The following GPC5 variants were observed in gnomAD, a reference collection of about 807,000 sequenced individuals.
The protein encoded by GPC5 is glypican 5, also known as glypican-5.
In GPC5, 47 loss-of-function variants were observed where a neutral mutation model predicts 53.9. The ratio of observed to expected loss-of-function variants is 0.87; its 90% confidence interval spans 0.69 to 1.11. The LOEUF is 1.11. Among genes scored for constraint, GPC5 ranks in the 50% most tolerant of loss-of-function variants. The pLI is 0.00. For synonymous variants in GPC5, 286 were observed against 263.3 expected (o/e 1.09, Z -0.84); for missense variants, 748 against 713.1 (o/e 1.05, Z -0.56).
chr13:92,128,687 G>A (rs1310979984), intron 6 of GPC5, among the ~76,000 whole-genome samples: 3 of 152,160 alleles, frequency 2.0e-5, no homozygotes, highest in South Asian at 2.1e-4. Context: ...AATCCTGGCC[G>A]GGTGTGGTGG....
intron 7 of GPC5, among the ~76,000 whole-genome samples, chr13:92,845,833 A>C (rs1006743280): frequency 6.6e-6 from 1 of 152,058 alleles, no homozygotes; most frequent in Non-Finnish European, 1.5e-5. Flanking sequence ...TTTAATTTAT[A>C]AGTTTATTGT....
chr13:92,255,215 A>G (rs575591810), intron 7 of GPC5, among the ~76,000 whole-genome samples: 6 of 152,270 alleles, frequency 3.9e-5, no homozygotes, highest in African/African-American at 1.4e-4. Flanking sequence ...GTATTACACT[A>G]TACTAGGGTA....
chr13:92,599,114 C>T (rs1314227058), intron 7 of GPC5, among the ~76,000 whole-genome samples: 23 of 151,998 alleles, frequency 1.5e-4, no homozygotes, highest in Admixed American at 1.5e-3. Context: ...GAGTTGTTGA[C>T]AATTATTTAG....
At chr13:92,652,965 C>A (rs578051521) in intron 7 of GPC5, among the ~76,000 whole-genome samples, 1 of 152,182 alleles carries the variant, frequency 6.6e-6, no homozygotes, top group Admixed American at 6.5e-5. Context: ...CCAGAGCTTA[C>A]TATTGCACAA....
At chr13:92,517,522 G>A (rs937628345) in intron 7 of GPC5, among the ~76,000 whole-genome samples, 3 of 152,124 alleles carry the variant, frequency 2.0e-5, no homozygotes, top group African/African-American at 4.8e-5. Context: ...AACATTTGCT[G>A]TTATATTCGC....
At chr13:92,182,692 C>T (rs1207003942) in intron 7 of GPC5, among the ~76,000 whole-genome samples, 1 of 151,030 alleles carries the variant, frequency 6.6e-6, no homozygotes, top group East Asian at 1.9e-4. Context: ...CGGTGAAACA[C>T]CGTCTCTACT....
intron 7 of GPC5, among the ~76,000 whole-genome samples, chr13:92,701,095 A>G (rs1345391509): frequency 6.6e-6 from 1 of 152,168 alleles, no homozygotes; most frequent in African/African-American, 2.4e-5. Flanking sequence ...GCAATAAAAT[A>G]TGAGTGAATA....
chr13:92,494,532 C>A (rs1215900806), intron 7 of GPC5, among the ~76,000 whole-genome samples: 3 of 152,146 alleles, frequency 2.0e-5, no homozygotes, highest in Admixed American at 6.6e-5. Context: ...GCAAATTTTT[C>A]TTTTCGTATT....
chr13:92,023,866 C>T (rs1036573550), intron 6 of GPC5, among the ~76,000 whole-genome samples: 1 of 152,090 alleles, frequency 6.6e-6, no homozygotes, highest in Non-Finnish European at 1.5e-5. Flanking sequence ...ACATAGAATT[C>T]ACTCAATAAG....
intron 7 of GPC5, among the ~76,000 whole-genome samples, chr13:92,796,041 T>C (rs1009869800): frequency 6.6e-6 from 1 of 152,158 alleles, no homozygotes; most frequent in Non-Finnish European, 1.5e-5. Flanking sequence ...TAAATCATTC[T>C]ACTATAAAGA....
intron 7 of GPC5, among the ~76,000 whole-genome samples, chr13:92,692,962 G>A (rs1302631666): frequency 6.6e-6 from 1 of 151,704 alleles, no homozygotes; most frequent in Non-Finnish European, 1.5e-5. Context: ...ATTAAATCAT[G>A]GGGGTGGTTT....
intron 7 of GPC5, among the ~76,000 whole-genome samples, chr13:92,409,354 C>A (rs950854241): frequency 6.6e-6 from 1 of 151,468 alleles, no homozygotes; most frequent in Admixed American, 6.6e-5. Flanking sequence ...AGAATCATAA[C>A]GAAGGTAACC....
chr13:91,478,899 ATATG>A (rs1386474509), intron 2 of GPC5, among the ~76,000 whole-genome samples: 9 of 98,866 alleles, frequency 9.1e-5, no homozygotes, highest in South Asian at 8.5e-4. Context: ...ATATATATAT[ATATG>A]CACATATATA....
At chr13:92,731,602 A>G (rs980253517) in intron 7 of GPC5, among the ~76,000 whole-genome samples, 1 of 151,498 alleles carries the variant, frequency 6.6e-6, no homozygotes, top group African/African-American at 2.4e-5. Context: ...TAATGGAAAA[A>G]GAAAATCACT....
intron 7 of GPC5, among the ~76,000 whole-genome samples, chr13:92,491,841 C>G (rs1157949055): frequency 6.6e-6 from 1 of 152,086 alleles, no homozygotes; most frequent in Non-Finnish European, 1.5e-5. Flanking sequence ...TATACTATGT[C>G]AAGTAATATT....
chr13:92,323,030 C>CA (rs2043226280), intron 7 of GPC5, among the ~76,000 whole-genome samples: 2 of 151,352 alleles, frequency 1.3e-5, no homozygotes, highest in Admixed American at 6.6e-5. Context: ...TCAATCTTCC[C>CA]AAAAAATATA....
intron 7 of GPC5, among the ~76,000 whole-genome samples, chr13:92,842,941 AAAATT>A (rs1878480107): frequency 6.6e-6 from 1 of 152,204 alleles, no homozygotes; most frequent in Non-Finnish European, 1.5e-5. Flanking sequence ...TGGAAGGAAA[AAAATT>A]AAACCAAATG....
intron 6 of GPC5, among the ~76,000 whole-genome samples, chr13:92,086,175 G>C (rs948514571): frequency 1.3e-5 from 2 of 152,180 alleles, no homozygotes; most frequent in Non-Finnish European, 2.9e-5. Flanking sequence ...CTGCAGAGCT[G>C]CTCCCAAATC....
chr13:92,312,268 A>G (rs2043149992), intron 7 of GPC5, among the ~76,000 whole-genome samples: 1 of 152,130 alleles, frequency 6.6e-6, no homozygotes. Flanking sequence ...CTCTTTCCAA[A>G]AGATTCAAGA....
Sources: gnomAD v4.1 joint callset for allele counts (sites outside exome capture counted in the v4.1 genomes callset) on GRCh38, gnomAD v4.1.1 for gene constraint, MANE v1.5 for transcripts, NCBI Gene and HGNC (gene_info 2026-07-23, HGNC 2026-07-21) for gene names.